SCAPER: variants seen among roughly 807,000 people sequenced by gnomAD.
The protein encoded by SCAPER is S phase cyclin A-associated protein in the endoplasmic reticulum.
In SCAPER, 98 loss-of-function variants were observed where a neutral mutation model predicts 182.2. That is an observed-to-expected ratio of 0.54 (90% CI 0.46 to 0.64). The LOEUF is 0.64. Ranked by LOEUF, SCAPER falls within the 30% of genes least tolerant of loss-of-function variation. SCAPER has a pLI of 0.00. For synonymous variants in SCAPER, 605 were observed against 564.6 expected (o/e 1.07, Z -1.01); for missense variants, 1,432 against 1,690.0 (o/e 0.85, Z 2.68).
chr15:76,799,577 T>C (rs1293162808), intron 7 of SCAPER, among the ~76,000 whole-genome samples: 2 of 152,066 alleles, frequency 1.3e-5, no homozygotes, highest in East Asian at 1.9e-4. Context: ...TTCAAACATA[T>C]CCACAATGCA....
intron 20 of SCAPER, among the ~76,000 whole-genome samples, chr15:76,685,943 TTAAATG>T (rs1407506193): frequency 2.0e-5 from 3 of 152,142 alleles, no homozygotes; most frequent in Admixed American, 2.0e-4. Context: ...GATTGAAGAT[TTAAATG>T]TCAAAAACAA....
rs2057389538 is a variant in SCAPER, at chr15:76,676,729, GA to G, written c.2509-10941del. 4.6e-5 allele frequency among the ~76,000 whole-genome samples: 7 copies of G among 151,528 alleles called. No homozygotes were observed. The South Asian group carries it at 1.5e-3, about 31-fold the overall frequency. ...AATTTTCATTGTATAATGTTAAATA[GA>G]AATTCTGGATTCAAATCTATGCAAT... On this transcript the variant is annotated intron_variant, in intron 20 of 31. Coordinates refer to ENST00000563290, the MANE Select transcript of SCAPER (RefSeq NM_020843.4).
chr15:76,811,345 A>C (rs536743607), intron 5 of SCAPER, among the ~76,000 whole-genome samples: 3 of 152,348 alleles, frequency 2.0e-5, no homozygotes, highest in South Asian at 4.1e-4. Context: ...AGAACAAAAA[A>C]AAGGCAGTGA....
intron 5 of SCAPER, among the ~76,000 whole-genome samples, chr15:76,821,728 A>C (rs2067573995): frequency 1.3e-5 from 2 of 152,104 alleles, no homozygotes; most frequent in South Asian, 4.1e-4. Flanking sequence ...CCCAGGAGCG[A>C]GACTTCATCC....
intron 15 of SCAPER, among the ~76,000 whole-genome samples, chr15:76,751,577 A>G (rs2062085197): frequency 6.6e-6 from 1 of 151,874 alleles, no homozygotes; most frequent in South Asian, 2.1e-4. Flanking sequence ...AGACCCTCAC[A>G]GATATAGTCA....
At chr15:76,593,488 AC>A (rs2049280505) in intron 22 of SCAPER, among the ~76,000 whole-genome samples, 1 of 121,104 alleles carries the variant, frequency 8.3e-6, no homozygotes, top group African/African-American at 2.5e-5. Context: ...ACAGACTGCC[AC>A]CTCAAGTGGG....
rs147051342 is a variant in SCAPER, at chr15:76,828,886, C to T, written c.393+12848G>A. ...ATTATAACATTAATATCAGACAAAA[C>T]AGAATTCACAGTGAAAAGCATTTAA... On this transcript the variant is annotated intron_variant, in intron 5 of 31. Transcript: ENST00000563290. Among the ~76,000 whole-genome samples the T allele has an allele frequency of 5.4e-3, 821 of 152,228 alleles. 7 individuals are homozygous for T. Among genetic ancestry groups the T allele is most frequent in the African/African-American group, 0.019 (784 of 41,538 alleles).
intron 5 of SCAPER, among the ~76,000 whole-genome samples, chr15:76,831,638 T>C (rs531405169): frequency 1.3e-5 from 2 of 151,062 alleles, no homozygotes; most frequent in African/African-American, 4.9e-5. Flanking sequence ...GCCGCACTGG[T>C]ACACACTCAC....
At chr15:76,752,611 A>C (rs1219005944) in intron 15 of SCAPER, among the ~76,000 whole-genome samples, 2 of 151,852 alleles carry the variant, frequency 1.3e-5, no homozygotes, top group Non-Finnish European at 1.5e-5. Flanking sequence ...AAATGAAATA[A>C]GCCAGTCACA....
intron 21 of SCAPER, among the ~76,000 whole-genome samples, chr15:76,654,325 G>A (rs547771247): frequency 2.5e-4 from 38 of 152,060 alleles, no homozygotes; most frequent in African/African-American, 8.4e-4. Flanking sequence ...GGAGAATGGC[G>A]TGAACCCGGG....
At chr15:76,505,451 T>C (rs2041489213) in intron 23 of SCAPER, among the ~76,000 whole-genome samples, 2 of 152,154 alleles carry the variant, frequency 1.3e-5, no homozygotes, top group Non-Finnish European at 2.9e-5. Context: ...AATAGACATT[T>C]CTCAAGAGAA....
At chr15:76,901,021 C>T (rs973701287) in intron 1 of SCAPER, among the ~76,000 whole-genome samples, 1 of 152,182 alleles carries the variant, frequency 6.6e-6, no homozygotes, top group African/African-American at 2.4e-5. Context: ...TACTCAAAAA[C>T]TACTGTTCAC....
intron 17 of SCAPER, among the ~76,000 whole-genome samples, chr15:76,706,503 T>A (rs2059269178): frequency 6.6e-6 from 1 of 152,018 alleles, no homozygotes; most frequent in Admixed American, 6.6e-5. Context: ...TATAAACTTA[T>A]GAAGGAAGAG....
intron 5 of SCAPER, among the ~76,000 whole-genome samples, chr15:76,813,145 A>G (rs2066768643): frequency 6.6e-6 from 1 of 150,476 alleles, no homozygotes; most frequent in Admixed American, 6.6e-5. Flanking sequence ...ACACATTAGC[A>G]CAATGATAGG....
At chr15:76,869,755 G>A (rs986219554) in intron 2 of SCAPER, among the ~76,000 whole-genome samples, 29 of 152,128 alleles carry the variant, frequency 1.9e-4, no homozygotes, top group Admixed American at 4.6e-4. Context: ...CCACTACTGC[G>A]TATATATCCA....
chr15:76,606,314 C>G (rs2145859919), intron 22 of SCAPER, among the ~76,000 whole-genome samples: 1 of 152,226 alleles, frequency 6.6e-6, no homozygotes, highest in Non-Finnish European at 1.5e-5. Flanking sequence ...GTTCAGTTTC[C>G]ATGTAGTTGA....
intron 23 of SCAPER, among the ~76,000 whole-genome samples, chr15:76,532,550 T>A (rs1225562305): frequency 1.3e-5 from 2 of 152,192 alleles, no homozygotes; most frequent in Non-Finnish European, 2.9e-5. Flanking sequence ...GTCTGCAGGC[T>A]AATGCTGACT....
intron 5 of SCAPER, among the ~76,000 whole-genome samples, chr15:76,826,068 T>C (rs563259830): frequency 1.0e-3 from 157 of 152,260 alleles, no homozygotes; most frequent in African/African-American, 3.6e-3. Context: ...GTTTTCTATG[T>C]TGCAGTCATT....
intron 29 of SCAPER, among the ~76,000 whole-genome samples, chr15:76,369,311 C>T (rs2041997147): frequency 6.6e-6 from 1 of 152,192 alleles, no homozygotes; most frequent in South Asian, 2.1e-4. Flanking sequence ...AACATGACTT[C>T]TGACTAATGA....
Sources: allele counts gnomAD v4.1 joint callset (sites outside exome capture counted in the v4.1 genomes callset), GRCh38; gene constraint gnomAD v4.1.1; transcripts MANE v1.5; gene names NCBI Gene and HGNC (gene_info 2026-07-23, HGNC 2026-07-21).